The following ST8SIA6 variants were observed in gnomAD, a reference collection of about 807,000 sequenced individuals.
ST8SIA6 encodes ST8 alpha-N-acetyl-neuraminide alpha-2,8-sialyltransferase 6.
ST8SIA6 carries 39 observed loss-of-function variants against 33.6 expected under a neutral mutation model. The ratio of observed to expected loss-of-function variants is 1.16; its 90% CI spans 0.90 to 1.52. The LOEUF (loss-of-function observed/expected upper bound fraction) is 1.52. ST8SIA6 is among the 40% of genes most tolerant of loss of function. The probability of loss-of-function intolerance (pLI) is 0.00; values close to 1 mark genes in which losing one functional copy is unlikely to be tolerated. For missense variants in ST8SIA6, 441 were observed against 443.8 expected (o/e 0.99, Z 0.06); for synonymous variants, 172 against 167.2 (o/e 1.03, Z -0.22).
intron 4 of ST8SIA6, among the ~76,000 whole-genome samples, chr10:17,342,166 G>A (rs1357529505): frequency 6.6e-6 from 1 of 152,234 alleles, no homozygotes; most frequent in Non-Finnish European, 1.5e-5. Context: ...GCAGCCAGCG[G>A]TGATGTCCAT....
At chr10:17,440,298 C>T (rs542992322) in intron 2 of ST8SIA6, among the ~76,000 whole-genome samples, 10 of 151,620 alleles carry the variant, frequency 6.6e-5, no homozygotes, top group East Asian at 1.9e-4. Flanking sequence ...CTCCGCCTCC[C>T]GGGCTCAAGC....
At position 17,426,708 on chromosome 10, in the gene ST8SIA6, G is replaced by A. The variant is rs151004630; in HGVS notation, c.200+26851C>T. On this transcript the variant is annotated intron_variant, in intron 2 of 7. Transcript: ENST00000377602. Reference sequence around the variant, plus strand: ...AGCCTGGCTGCTACAATGTAAAAGCGTGGTGGTCTTTTAGACCAAAATCCT... The same window carrying A: ...AGCCTGGCTGCTACAATGTAAAAGCATGGTGGTCTTTTAGACCAAAATCCT... Among the ~76,000 whole-genome samples, 1,185 of 152,316 alleles carry A rather than the reference G, an allele frequency of 7.8e-3. 9 individuals carry two copies. The highest frequency in any genetic ancestry group is 0.027 in the African/African-American group (1,125 of 41,570).
At chr10:17,402,900 T>C (rs1466792279) in intron 2 of ST8SIA6, among the ~76,000 whole-genome samples, 1 of 152,236 alleles carries the variant, frequency 6.6e-6, no homozygotes, top group East Asian at 1.9e-4. Flanking sequence ...ATTATGCACA[T>C]GTACCCTAGA....
intron 2 of ST8SIA6, among the ~76,000 whole-genome samples, chr10:17,434,367 C>A (rs1852188043): frequency 6.6e-6 from 1 of 152,166 alleles, no homozygotes; most frequent in African/African-American, 2.4e-5. Flanking sequence ...AATTAGGTAC[C>A]ACCTGCATAT....
intron 4 of ST8SIA6, among the ~76,000 whole-genome samples, chr10:17,338,095 C>A (rs148780968): frequency 2.8e-5 from 4 of 143,672 alleles, no homozygotes; most frequent in Non-Finnish European, 6.0e-5. Flanking sequence ...AGTGCAATGG[C>A]GCGATCTCAG....
At chr10:17,414,182 G>T (rs967376223) in intron 2 of ST8SIA6, among the ~76,000 whole-genome samples, 1 of 152,082 alleles carries the variant, frequency 6.6e-6, no homozygotes, top group Non-Finnish European at 1.5e-5. Context: ...GCCATTTGGG[G>T]CTACCCCCAA....
intron 4 of ST8SIA6, among the ~76,000 whole-genome samples, chr10:17,334,301 A>G (rs1187011171): frequency 2.0e-5 from 3 of 151,690 alleles, no homozygotes; most frequent in South Asian, 4.2e-4. Flanking sequence ...GCACTTTGGG[A>G]GGCCGAGGCG....
At chr10:17,365,306 T>C (rs1849523456) in intron 3 of ST8SIA6, among the ~76,000 whole-genome samples, 1 of 152,214 alleles carries the variant, frequency 6.6e-6, no homozygotes, top group Admixed American at 6.5e-5. Flanking sequence ...TTTATCTCAA[T>C]TAAGATATAA....
intron 2 of ST8SIA6, among the ~76,000 whole-genome samples, chr10:17,430,823 A>T (rs1852080748): frequency 6.6e-6 from 1 of 152,102 alleles, no homozygotes; most frequent in African/African-American, 2.4e-5. Context: ...ATTTTCTCCC[A>T]TTCTGTGGGT....
intron 2 of ST8SIA6, among the ~76,000 whole-genome samples, chr10:17,452,112 A>G (rs140083009): frequency 2.0e-3 from 304 of 152,340 alleles, no homozygotes; most frequent in African/African-American, 7.0e-3. Context: ...TTCTCAGCTC[A>G]TCAAGAAAGC....
rs557266543 is a variant in ST8SIA6, at chr10:17,421,456, T to G, written c.201-30836A>C. 3.3e-5 allele frequency among the ~76,000 whole-genome samples: 5 copies of G among 152,346 alleles called. No individual in the cohort carries two copies. The East Asian group carries it at 9.6e-4, about 29-fold the overall frequency. On this transcript the variant is annotated intron_variant, in intron 2 of 7. Coordinates refer to ENST00000377602, the MANE Select transcript of ST8SIA6 (RefSeq NM_001004470.3). ...AGTATGTAGTTTAATTGACCTGTGC[T>G]TCTAACAGGCATGCAAAAAAATTGT...
At chr10:17,379,070 G>A (rs979976171) in intron 3 of ST8SIA6, among the ~76,000 whole-genome samples, 5 of 150,960 alleles carry the variant, frequency 3.3e-5, no homozygotes, top group Admixed American at 2.6e-4. Context: ...TGGTTGCAGT[G>A]AGCTGAGATC....
At chr10:17,441,604 C>T (rs987726507) in intron 2 of ST8SIA6, among the ~76,000 whole-genome samples, 1 of 151,986 alleles carries the variant, frequency 6.6e-6, no homozygotes, top group African/African-American at 2.4e-5. Flanking sequence ...CCACTGCACC[C>T]GGCCCCTGGA....
chr10:17,450,134 C>T (rs912858944), intron 2 of ST8SIA6, among the ~76,000 whole-genome samples: 4 of 152,102 alleles, frequency 2.6e-5, no homozygotes, highest in African/African-American at 9.7e-5. Flanking sequence ...TAGCAAATGT[C>T]GCAGAGAGAC....
chr10:17,394,682 T>G (rs1296864928), intron 2 of ST8SIA6, among the ~76,000 whole-genome samples: 1 of 152,146 alleles, frequency 6.6e-6, no homozygotes, highest in Non-Finnish European at 1.5e-5. Flanking sequence ...TCATTCAAAC[T>G]TGCTCCAGAA....
Position 17,318,887 on chromosome 10 carries a change from G to T in ST8SIA6, c.*1991C>A, listed in dbSNP as rs149717495. Among the ~76,000 whole-genome samples the T allele has an allele frequency of 1.3e-5, 2 of 152,250 alleles. No homozygotes were observed. Among genetic ancestry groups the T allele is most frequent in the East Asian group, 1.9e-4 (1 of 5,180 alleles). On this transcript the variant is annotated 3_prime_UTR_variant, in exon 8 of 8. Transcript: ENST00000377602. The stretch of plus-strand genomic sequence containing the variant: ...AGTAATGTTCTGTTTTGGAACAAAA[G>T]AACATTATTGGCACCTCACAGCAGG...
chr10:17,323,434 T>C (rs1034191780), intron 6 of ST8SIA6, among the ~76,000 whole-genome samples: 3 of 149,624 alleles, frequency 2.0e-5, no homozygotes, highest in African/African-American at 7.4e-5. Context: ...TCTCGCTCTG[T>C]TGCCTAGGCT....
At chr10:17,452,946 T>G (rs900445859) in intron 2 of ST8SIA6, among the ~76,000 whole-genome samples, 8 of 152,178 alleles carry the variant, frequency 5.3e-5, no homozygotes, top group Non-Finnish European at 1.0e-4. Context: ...ATATGGTCTC[T>G]GAGAGGTAAG....
chr10:17,429,812 C>T (rs1417306577), intron 2 of ST8SIA6, among the ~76,000 whole-genome samples: 3 of 152,264 alleles, frequency 2.0e-5, no homozygotes, highest in South Asian at 2.1e-4. Context: ...ATTTGTACTT[C>T]ACGTTTTACC....
Sources: allele counts gnomAD v4.1 joint callset (sites outside exome capture counted in the v4.1 genomes callset), GRCh38; gene constraint gnomAD v4.1.1; transcripts MANE v1.5; gene names NCBI Gene and HGNC (gene_info 2026-07-23, HGNC 2026-07-21).